TFEC: variants seen among roughly 807,000 people sequenced by gnomAD.
The protein encoded by TFEC is class E basic helix-loop-helix protein 34.
A neutral mutation model predicts 41.6 loss-of-function variants in TFEC; 31 were observed. That is an observed-to-expected ratio of 0.74 (90% CI 0.56 to 1.01). TFEC has a LOEUF of 1.01. Among genes scored for constraint, TFEC ranks in the 50% least tolerant of loss-of-function variants. The pLI, the probability that TFEC is intolerant of heterozygous loss-of-function variation, is 0.00. For missense variants in TFEC, 402 were observed against 404.1 expected (o/e 0.99, Z 0.04); for synonymous variants, 143 against 140.6 (o/e 1.02, Z -0.12).
intron 1 of TFEC, among the ~76,000 whole-genome samples, chr7:116,016,729 T>A (rs1180942928): frequency 2.0e-5 from 3 of 151,828 alleles, no homozygotes; most frequent in Non-Finnish European, 4.4e-5. Context: ...AGTATATGCA[T>A]ACAGTATATA....
intron 3 of TFEC, among the ~76,000 whole-genome samples, chr7:116,044,290 T>C (rs1206326100): frequency 1.3e-5 from 2 of 152,192 alleles, no homozygotes; most frequent in Non-Finnish European, 2.9e-5. Context: ...GCTAATAATG[T>C]GTTACCCCTT....
chr7:116,049,362 A>G (rs1328244969), intron 3 of TFEC, among the ~76,000 whole-genome samples: 1 of 152,240 alleles, frequency 6.6e-6, no homozygotes, highest in African/African-American at 2.4e-5. Context: ...TTAAACCAAC[A>G]AAGATCAGAA....
intron 6 of TFEC, among the ~76,000 whole-genome samples, chr7:115,944,741 C>T (rs1791434616): frequency 6.6e-6 from 1 of 151,354 alleles, no homozygotes; most frequent in South Asian, 2.2e-4. Flanking sequence ...TTTCCTCTCT[C>T]AATTCAGTAC....
chr7:116,033,890 T>C (rs73218459), upstream of TFEC, among the ~76,000 whole-genome samples: 15,074 of 152,180 alleles, frequency 0.099, 821 homozygotes, highest in African/African-American at 0.13. Context: ...CTATCAATAC[T>C]CACTGTCTTC....
At chr7:116,075,228 TA>T (rs1165111090) in intron 3 of TFEC, among the ~76,000 whole-genome samples, 1 of 152,152 alleles carries the variant, frequency 6.6e-6, no homozygotes, top group East Asian at 1.9e-4. Flanking sequence ...GCTATTTTTT[TA>T]AAAGTCCATC....
chr7:116,093,725 C>T (rs1162609232), intron 3 of TFEC, among the ~76,000 whole-genome samples: 1 of 152,020 alleles, frequency 6.6e-6, no homozygotes, highest in Non-Finnish European at 1.5e-5. Flanking sequence ...TCATTGATTT[C>T]CAAAGTTCCG....
At chr7:115,957,282 T>G (rs1792286569) in intron 3 of TFEC, among the ~76,000 whole-genome samples, 1 of 151,880 alleles carries the variant, frequency 6.6e-6, no homozygotes, top group Non-Finnish European at 1.5e-5. Flanking sequence ...TTTTACACTG[T>G]TAATTAAATG....
intron 2 of TFEC, chr7:116,110,970 C>A (rs1199656385): frequency 3.6e-6 from 4 of 1,109,492 alleles, no homozygotes; most frequent in South Asian, 4.2e-5. Context: ...AAAACACATA[C>A]AAAATAATAT....
intron 3 of TFEC, among the ~76,000 whole-genome samples, chr7:116,071,452 A>G (rs1047339176): frequency 5.3e-5 from 8 of 151,368 alleles, no homozygotes; most frequent in African/African-American, 1.9e-4. Flanking sequence ...ATTTTAATAT[A>G]CAGTATTATC....
intron 2 of TFEC, among the ~76,000 whole-genome samples, chr7:115,983,911 T>C (rs570604742): frequency 1.6e-4 from 24 of 152,278 alleles, no homozygotes; most frequent in African/African-American, 5.5e-4. Flanking sequence ...GTCTGTTTTA[T>C]GTTAATGGAT....
At chr7:116,062,224 C>CTTT (rs1796575680) in intron 3 of TFEC, among the ~76,000 whole-genome samples, 3 of 38,674 alleles carry the variant, frequency 7.8e-5, no homozygotes, top group African/African-American at 1.2e-4. Flanking sequence ...ACATGCCTGG[C>CTTT]CTTTTTTTTT....
chr7:116,143,034 C>G (rs1798572386), intron 1 of TFEC, among the ~76,000 whole-genome samples: 1 of 152,194 alleles, frequency 6.6e-6, no homozygotes. Flanking sequence ...TGACTACGTT[C>G]AGTCTCACAG....
At chr7:116,038,726 A>T (rs747737323) in intron 3 of TFEC, among the ~76,000 whole-genome samples, 14 of 152,062 alleles carry the variant, frequency 9.2e-5, no homozygotes, top group Non-Finnish European at 2.1e-4. Flanking sequence ...TAGAGAAATT[A>T]CAAGTCTTCT....
At chr7:116,054,055 A>G (rs1463598171) in intron 3 of TFEC, among the ~76,000 whole-genome samples, 1 of 152,230 alleles carries the variant, frequency 6.6e-6, no homozygotes. Context: ...TAGAAGGTGA[A>G]GGCAGGGAAA....
intron 1 of TFEC, among the ~76,000 whole-genome samples, chr7:116,151,486 G>A (rs903491786): frequency 1.3e-5 from 2 of 151,886 alleles, no homozygotes; most frequent in Non-Finnish European, 2.9e-5. Flanking sequence ...CAAGTGATCC[G>A]CCCACCTCGG....
chr7:116,141,731 A>G (rs1478135203), intron 1 of TFEC, among the ~76,000 whole-genome samples: 3 of 152,190 alleles, frequency 2.0e-5, no homozygotes, highest in Non-Finnish European at 4.4e-5. Context: ...GGAGCAGGTA[A>G]CAGAAGTTGG....
At position 115,954,602 on chromosome 7, in the gene TFEC, CT is replaced by C. The variant is rs771133493; in HGVS notation, c.422del (p.Lys141ArgfsTer42). The C allele has an allele frequency of 2.5e-6, 4 of 1,611,340 alleles. No homozygotes were observed. In the South Asian group the frequency reaches 3.3e-5, roughly 13 times the overall value. ...TRALAKERQK[K>X]DNHNLIERRR... Reference sequence around the variant, plus strand: ...TATACTCACTGAGGTTGTGGTTGTCCTTTTTTTGTCTCTCTTTTGCTAAAGC... The same window carrying C: ...TATACTCACTGAGGTTGTGGTTGTCCTTTTTTGTCTCTCTTTTGCTAAAGC... On this transcript the variant is annotated frameshift_variant, in exon 5 of 8. Coordinates refer to ENST00000265440, the MANE Select transcript of TFEC (RefSeq NM_012252.4). LOFTEE classifies it high-confidence loss of function.
chr7:115,979,499 A>G (rs1214035603), intron 2 of TFEC, among the ~76,000 whole-genome samples: 1 of 152,160 alleles, frequency 6.6e-6, no homozygotes, highest in Non-Finnish European at 1.5e-5. Flanking sequence ...TAGATTATAT[A>G]GGATGTGCAG....
intron 3 of TFEC, among the ~76,000 whole-genome samples, chr7:116,092,239 A>G (rs1325826338): frequency 6.6e-6 from 1 of 152,164 alleles, no homozygotes; most frequent in Admixed American, 6.6e-5. Context: ...TTCAAGTGGA[A>G]AGAATAAATG....
Sources: allele counts gnomAD v4.1 joint callset (sites outside exome capture counted in the v4.1 genomes callset), GRCh38; gene constraint gnomAD v4.1.1; transcripts MANE v1.5; gene names NCBI Gene and HGNC (gene_info 2026-07-23, HGNC 2026-07-21).